DNAH8: variants seen among roughly 807,000 people sequenced by gnomAD.
DNAH8 encodes the protein dynein axonemal heavy chain 8.
Under a neutral mutation model 562.1 loss-of-function variants are expected in DNAH8, and 382 were observed. That is an observed-to-expected ratio of 0.68 (90% CI 0.63 to 0.74). The LOEUF is 0.74. Ranked by LOEUF, DNAH8 falls within the 30% of genes least tolerant of loss-of-function variation. The probability of loss-of-function intolerance (pLI) is 0.00; values close to 1 mark genes in which losing one functional copy is unlikely to be tolerated. For missense variants in DNAH8, 5,203 were observed against 5,620.4 expected (o/e 0.93, Z 2.37); for synonymous variants, 1,881 against 1,919.4 (o/e 0.98, Z 0.52).
chr6:38,908,893 A>C (rs1198488291), intron 64 of DNAH8, among the ~76,000 whole-genome samples: 1 of 152,130 alleles, frequency 6.6e-6, no homozygotes, highest in Non-Finnish European at 1.5e-5. Context: ...TGTGGCTAAT[A>C]GCTACCACAC....
At chr6:38,971,466 G>T in intron 82 of DNAH8, 126 bp from the exon 83 acceptor site, 1 of 544,862 alleles carries the variant, frequency 1.8e-6, no homozygotes. Context: ...TGTTTGAACA[G>T]CAAAGATTTT....
chr6:38,717,201 G>T (rs912913036), intron 1 of DNAH8, among the ~76,000 whole-genome samples: 1 of 152,200 alleles, frequency 6.6e-6, no homozygotes, highest in African/African-American at 2.4e-5. Context: ...AACAGAGCAA[G>T]TTGTCTGTGA....
chr6:38,834,725 T>C (rs1774136756), intron 32 of DNAH8, 84 bp downstream of exon 32: 3 of 1,092,938 alleles, frequency 2.7e-6, no homozygotes, highest in Admixed American at 2.1e-5. Context: ...TACTTTTTAA[T>C]AGAAAAGTTT....
At chr6:39,027,813 G>A (rs1042495141) in intron 92 of DNAH8, among the ~76,000 whole-genome samples, 6 of 152,142 alleles carry the variant, frequency 3.9e-5, no homozygotes, top group African/African-American at 1.4e-4. Context: ...GTGACAGAGC[G>A]AGACTCTGTC....
At chr6:38,928,621 A>G (rs1241006657) in intron 74 of DNAH8, among the ~76,000 whole-genome samples, 2 of 152,224 alleles carry the variant, frequency 1.3e-5, no homozygotes, top group African/African-American at 2.4e-5. Context: ...TCTTCTTTTT[A>G]TCATAGTAAT....
intron 11 of DNAH8, among the ~76,000 whole-genome samples, chr6:38,769,652 A>C (rs111313440): frequency 6.6e-6 from 1 of 152,182 alleles, no homozygotes; most frequent in Non-Finnish European, 1.5e-5. Context: ...GTTATGTTAC[A>C]TATGGCAAGG....
intron 39 of DNAH8, among the ~76,000 whole-genome samples, chr6:38,852,404 G>A (rs1268395409): frequency 2.6e-5 from 4 of 152,106 alleles, no homozygotes; most frequent in East Asian, 3.9e-4. Flanking sequence ...GAGGAGGGGG[G>A]AGGCGGTGTG....
At chr6:38,869,156 T>TCAGGTGTA in intron 48 of DNAH8, among the ~76,000 whole-genome samples, 1 of 152,324 alleles carries the variant, frequency 6.6e-6, no homozygotes, top group East Asian at 1.9e-4. Flanking sequence ...CAAAGTCTTT[T>TCAGGTGTA]CAGGTGTATC....
chr6:38,863,096 A>G (rs1466714902), intron 44 of DNAH8, among the ~76,000 whole-genome samples: 1 of 152,170 alleles, frequency 6.6e-6, no homozygotes, highest in Non-Finnish European at 1.5e-5. Context: ...CTGTTGATTT[A>G]GCATGTCCAC....
At chr6:38,821,120 A>G (rs1280086002) in intron 26 of DNAH8, among the ~76,000 whole-genome samples, 1 of 152,278 alleles carries the variant, frequency 6.6e-6, no homozygotes, top group Admixed American at 6.5e-5. Flanking sequence ...ACACAAAAAA[A>G]CCCCATTAGA....
At chr6:38,881,798 ACCT>A (rs1778516467) in intron 53 of DNAH8, among the ~76,000 whole-genome samples, 1 of 151,680 alleles carries the variant, frequency 6.6e-6, no homozygotes, top group Non-Finnish European at 1.5e-5. Flanking sequence ...TGATCCACCC[ACCT>A]CAGCCTCCCA....
intron 53 of DNAH8, among the ~76,000 whole-genome samples, chr6:38,877,335 T>A (rs1174584457): frequency 6.6e-6 from 1 of 152,218 alleles, no homozygotes; most frequent in Non-Finnish European, 1.5e-5. Flanking sequence ...TAAAGAGCAG[T>A]CCAGTGATGT....
intron 45 of DNAH8, 105 bp from the exon 46 acceptor site, chr6:38,866,485 AT>A: frequency 1.3e-6 from 1 of 775,748 alleles, no homozygotes. Flanking sequence ...TGAATCTAAT[AT>A]TTTCAATACC....
At chr6:38,729,816 CT>C in intron 3 of DNAH8, 85 bp from the exon 4 acceptor site, 1 of 719,950 alleles carries the variant, frequency 1.4e-6, no homozygotes, top group Admixed American at 2.6e-5. Flanking sequence ...TTTGAATAAA[CT>C]CTTTGAGCTT....
At chr6:38,887,097 A>T (rs1778987291) in intron 57 of DNAH8, 93 bp downstream of exon 57, 1 of 898,186 alleles carries the variant, frequency 1.1e-6, no homozygotes, top group Non-Finnish European at 1.7e-6. Flanking sequence ...CTCTGTCTAA[A>T]GTGGGGTTAG....
At chr6:38,858,622 A>G (rs578215057) in intron 42 of DNAH8, among the ~76,000 whole-genome samples, 1 of 152,282 alleles carries the variant, frequency 6.6e-6, no homozygotes, top group South Asian at 2.1e-4. Context: ...TCCAAGACCT[A>G]CTGAATCAGA....
chr6:39,018,040 A>G (rs1438486637), intron 91 of DNAH8, among the ~76,000 whole-genome samples: 1 of 152,178 alleles, frequency 6.6e-6, no homozygotes, highest in Non-Finnish European at 1.5e-5. Context: ...ACCCTTAAAC[A>G]TCTTGGGAAA....
chr6:39,029,850 A>G (rs1405690034), intron 92 of DNAH8, among the ~76,000 whole-genome samples: 1 of 152,158 alleles, frequency 6.6e-6, no homozygotes, highest in African/African-American at 2.4e-5. Flanking sequence ...CCTGTTGCTC[A>G]GGGAGGCCAC....
intron 1 of DNAH8, among the ~76,000 whole-genome samples, chr6:38,715,943 TATATATA>T (rs1562520704): frequency 0.012 from 319 of 26,810 alleles, 11 homozygotes; most frequent in East Asian, 0.031. Flanking sequence ...TATATATATA[TATATATA>T]TATATATATA....
Sources: allele counts gnomAD v4.1 joint callset (sites outside exome capture counted in the v4.1 genomes callset), GRCh38; gene constraint gnomAD v4.1.1; transcripts MANE v1.5; gene names NCBI Gene and HGNC (gene_info 2026-07-23, HGNC 2026-07-21).